KLHL29: variants seen among roughly 807,000 people sequenced by gnomAD.
The protein encoded by KLHL29 is kelch-like protein 29.
KLHL29 carries 21 observed loss-of-function variants against 80.4 expected under a neutral mutation model. The observed-to-expected ratio is 0.26, with a 90% CI of 0.19 to 0.38. The LOEUF is 0.38. Ranked by LOEUF, KLHL29 falls within the 10% of genes least tolerant of loss-of-function variation. The pLI is 1.00. For missense variants in KLHL29, 867 were observed against 1,223.9 expected, an observed-to-expected ratio of 0.71 and a Z score of 4.35; for synonymous variants, 511 against 526.8, an observed-to-expected ratio of 0.97 and a Z score of 0.41.
At chr2:23,629,162 GCCCGGC>G (rs1422246396) in intron 3 of KLHL29, among the ~76,000 whole-genome samples, 1 of 152,112 alleles carries the variant, frequency 6.6e-6, no homozygotes, top group East Asian at 1.9e-4. Context: ...GGGATGAAAG[GCCCGGC>G]CCCGCTCTGT....
chr2:23,388,441 A>C (rs1158469277), intron 1 of KLHL29, among the ~76,000 whole-genome samples: 2 of 152,232 alleles, frequency 1.3e-5, no homozygotes, highest in African/African-American at 2.4e-5. Flanking sequence ...TCTAGGAATA[A>C]ACATGTTGGA....
intron 1 of KLHL29, among the ~76,000 whole-genome samples, chr2:23,459,666 T>G (rs1300190699): frequency 1.3e-5 from 2 of 152,228 alleles, no homozygotes; most frequent in South Asian, 4.1e-4. Flanking sequence ...GGATGCCCAG[T>G]GACCATTCTG....
Position 23,642,346 on chromosome 2 carries a change from C to T in KLHL29, c.436C>T (p.Pro146Ser), listed in dbSNP as rs1185208493. ...TTCCATCTCCCTTGCAGGCACAGGG[C>T]CATGGGTGACCACGGTGGCCGCCGG... ...MRESDNPGTG[P>S]WVTTVAAGNQ... The change falls in exon 5 of 14, where the codon CCA becomes TCA. Residue 146 changes from proline to serine, a missense_variant. By Grantham distance (74) the Pro-to-Ser change is moderately conservative. Around this residue, in one of 2 missense-constraint regions of KLHL29, gnomAD observed 424 missense variants for 456.9 expected, o/e 0.93. Transcript: ENST00000486442. 1.4e-6 allele frequency: 2 copies of T among 1,434,842 alleles called. No homozygotes were observed. Among genetic ancestry groups the T allele is most frequent in the African/African-American group, 2.9e-5 (2 of 69,486 alleles). 88.9% of individuals were successfully genotyped at this position (1,434,842 alleles called of 1,614,324 possible).
chr2:23,444,270 T>A (rs1663613006), intron 1 of KLHL29, among the ~76,000 whole-genome samples: 1 of 152,196 alleles, frequency 6.6e-6, no homozygotes, highest in Non-Finnish European at 1.5e-5. Flanking sequence ...GATTTAGAAC[T>A]CAAGATTTTT....
intron 2 of KLHL29, chr2:23,532,721 G>A (rs1666535378): frequency 2.2e-6 from 1 of 451,396 alleles, no homozygotes; most frequent in Admixed American, 2.4e-5. Flanking sequence ...GGTGGGAGGA[G>A]GTGTGTTCCC....
At chr2:23,401,337 C>T (rs1476036479) in intron 1 of KLHL29, among the ~76,000 whole-genome samples, 1 of 152,186 alleles carries the variant, frequency 6.6e-6, no homozygotes, top group African/African-American at 2.4e-5. Flanking sequence ...GTACTCTATA[C>T]ACCCCCGGTC....
At chr2:23,653,104 C>T (rs1245168286) in intron 5 of KLHL29, among the ~76,000 whole-genome samples, 5 of 152,204 alleles carry the variant, frequency 3.3e-5, no homozygotes, top group Non-Finnish European at 5.9e-5. Context: ...AGCAGCAACC[C>T]GTCTGCTCCG....
At chr2:23,628,332 C>T (rs192627377) in intron 3 of KLHL29, among the ~76,000 whole-genome samples, 5 of 151,576 alleles carry the variant, frequency 3.3e-5, no homozygotes, top group Admixed American at 1.3e-4. Flanking sequence ...GCACACAGGA[C>T]GGCTTAGTTA....
In KLHL29 at chr2:23,708,590, A is replaced by ATATT. The variant is rs1360135871; in HGVS notation, c.*1930_*1933dup. 2 of 152,216 alleles carry ATATT rather than the reference A, an allele frequency of 1.3e-5. No individual in the cohort carries two copies. Among genetic ancestry groups the ATATT allele is most frequent in the African/African-American group, 4.8e-5 (2 of 41,444 alleles). 9.4% of individuals were successfully genotyped at this position (152,216 alleles called of 1,614,324 possible). ...AAGTTCTTGTTATATTATAATAAAT[A>ATATT]TATTTATAGATCTAGACTTGGAAGC... On this transcript the variant is annotated 3_prime_UTR_variant, in exon 14 of 14. Coordinates refer to ENST00000486442, the MANE Select transcript of KLHL29 (RefSeq NM_052920.2).
At position 23,457,055 on chromosome 2, in the gene KLHL29, G is replaced by A. The variant is rs1329688061; in HGVS notation, c.-153-18505G>A. Among the ~76,000 whole-genome samples, 2 of 152,230 alleles carry A rather than the reference G, an allele frequency of 1.3e-5. No homozygotes were observed. The highest frequency in any genetic ancestry group is 2.4e-5 in the African/African-American group (1 of 41,462). ...AGCAGCAGAGGTCGAGGCCTTCCGA[G>A]GCCCCTCCCCAGGCATCTGCTGAGA... On this transcript the variant is annotated intron_variant, in intron 1 of 13. Coordinates refer to ENST00000486442, the MANE Select transcript of KLHL29 (RefSeq NM_052920.2). This position sits in a 1 kb window ranked among gnomAD's most constrained non-coding sequence, Gnocchi z 4.3.
intron 3 of KLHL29, among the ~76,000 whole-genome samples, chr2:23,575,294 A>G (rs934821656): frequency 1.3e-5 from 2 of 152,180 alleles, no homozygotes; most frequent in Non-Finnish European, 2.9e-5. Flanking sequence ...GAGGCAGGTT[A>G]TATGTCTCAC....
chr2:23,413,945 C>T (rs995920315), intron 1 of KLHL29, among the ~76,000 whole-genome samples: 2 of 152,196 alleles, frequency 1.3e-5, no homozygotes, highest in African/African-American at 2.4e-5. Flanking sequence ...AAGGTAATTT[C>T]ACTTGGCAAA....
Position 23,627,729 on chromosome 2 carries a change from TTGTGTGG to T in KLHL29, c.286-11409_286-11403del, listed in dbSNP as rs201564713. 1.5e-4 allele frequency among the ~76,000 whole-genome samples: 8 copies of T among 51,922 alleles called. No homozygotes were observed. In the East Asian group the frequency reaches 0.17, roughly 1,082 times the overall value. 34.1% of individuals were successfully genotyped at this position (51,922 alleles called of 152,430 possible). On this transcript the variant is annotated intron_variant, in intron 3 of 13. Coordinates refer to ENST00000486442, the MANE Select transcript of KLHL29 (RefSeq NM_052920.2). ...CGCTGAGGATGTCGTGTCAGGATTGTTGTGTGGCGTCAAGAGTCGAGCTCTCAGTCGA... is the reference window on the plus strand; with the variant it reads ...CGCTGAGGATGTCGTGTCAGGATTGTCGTCAAGAGTCGAGCTCTCAGTCGA...
rs200492957 is a variant in KLHL29 at position 23,642,808 on chromosome 2, G to A, written c.898G>A (p.Gly300Ser). 5 of 1,550,326 alleles carry A rather than the reference G, an allele frequency of 3.2e-6. No individual in the cohort carries two copies. In the East Asian group the frequency reaches 9.8e-5, roughly 30 times the overall value. The change falls in exon 5 of 14, where the codon GGC becomes AGC. Residue 300 changes from glycine (G) to serine (S), a missense_variant. Gly to Ser is a moderately conservative substitution (Grantham distance 56). Coordinates refer to ENST00000486442, the MANE Select transcript of KLHL29 (RefSeq NM_052920.2). Reference sequence around the variant, plus strand: ...CGGGCTGCAGATGCTGCGGACCATTGGCGTGGGGAAGTATGAGTTCACCGA... The same window carrying A: ...CGGGCTGCAGATGCTGCGGACCATTAGCGTGGGGAAGTATGAGTTCACCGA... Reference protein sequence around the residue: ...AHGLQMLRTIGVGKYEFTDPG... With the variant: ...AHGLQMLRTISVGKYEFTDPG...
chr2:23,404,099 GGAA>G (rs1666667374), intron 1 of KLHL29, among the ~76,000 whole-genome samples: 1 of 152,180 alleles, frequency 6.6e-6, no homozygotes, highest in South Asian at 2.1e-4. Context: ...TTTAAAATGA[GGAA>G]GAAACTTTCT....
At chr2:23,435,458 G>A (rs1445431866) in intron 1 of KLHL29, among the ~76,000 whole-genome samples, 1 of 152,144 alleles carries the variant, frequency 6.6e-6, no homozygotes, top group Non-Finnish European at 1.5e-5. Context: ...TAGAGTCCAG[G>A]TGGATATGAC....
chr2:23,577,790 G>A (rs1667881461), intron 3 of KLHL29, among the ~76,000 whole-genome samples: 1 of 151,824 alleles, frequency 6.6e-6, no homozygotes, highest in South Asian at 2.1e-4. Context: ...GGGCTTCCTG[G>A]CCAGAGTCAG....
intron 4 of KLHL29, among the ~76,000 whole-genome samples, chr2:23,640,972 A>T (rs1375975847): frequency 6.6e-6 from 1 of 152,092 alleles, no homozygotes; most frequent in African/African-American, 2.4e-5. Flanking sequence ...CCAGCTCCAC[A>T]TTCTATCCTG....
chr2:23,703,961 T>G, intron 13 of KLHL29, 98 bp downstream of exon 13: 2 of 1,334,686 alleles, frequency 1.5e-6, no homozygotes, highest in Non-Finnish European at 2.0e-6. Context: ...ACCATAGCAA[T>G]TCCCAGGCCC....
Sources: gnomAD v4.1 joint callset for allele counts (sites outside exome capture counted in the v4.1 genomes callset) on GRCh38, gnomAD v4.1.1 for gene constraint, gnomAD v4.1.1 regional missense constraint, Gnocchi (gnomAD v3.1) non-coding constraint, MANE v1.5 for transcripts, NCBI Gene and HGNC (gene_info 2026-07-23, HGNC 2026-07-21) for gene names.